BCKDHB: variants seen among roughly 807,000 people sequenced by gnomAD.
BCKDHB encodes 2-oxoisovalerate dehydrogenase subunit beta, mitochondrial.
Under a neutral mutation model 48.5 loss-of-function variants are expected in BCKDHB, and 41 were observed. The ratio of observed to expected loss-of-function variants is 0.85; its 90% CI spans 0.66 to 1.10. The LOEUF is 1.10. BCKDHB is among the 50% of genes least tolerant of loss of function. The probability of loss-of-function intolerance (pLI) is 0.00; values close to 1 mark genes in which losing one functional copy is unlikely to be tolerated. For synonymous variants in BCKDHB, 201 were observed against 174.8 expected, an observed-to-expected ratio of 1.15 and a Z score of -1.18; for missense variants, 496 against 494.2, an observed-to-expected ratio of 1.00 and a Z score of -0.03.
intron 6 of BCKDHB, among the ~76,000 whole-genome samples, chr6:80,180,473 C>T (rs1562114426): frequency 6.6e-6 from 1 of 152,082 alleles, no homozygotes; most frequent in Non-Finnish European, 1.5e-5. Context: ...TCTTTAATGT[C>T]TTTTGGTTTT....
chr6:80,374,264 A>G, the BCKDHB span: 4 of 799,990 alleles, frequency 5.0e-6, no homozygotes, highest in Non-Finnish European at 8.9e-6. Context: ...CCTTAAGTTC[A>G]CCATTACTGT....
intron 9 of BCKDHB, among the ~76,000 whole-genome samples, chr6:80,328,345 G>A (rs1014914483): frequency 3.3e-5 from 5 of 152,114 alleles, no homozygotes; most frequent in Admixed American, 3.3e-4. Context: ...TGATTGAGTG[G>A]AAAAGGGAGA....
intron 6 of BCKDHB, among the ~76,000 whole-genome samples, chr6:80,183,514 C>T (rs906139257): frequency 2.6e-5 from 4 of 152,094 alleles, no homozygotes; most frequent in Admixed American, 2.6e-4. Flanking sequence ...TACCCACTGA[C>T]CTCAAACAAG....
chr6:80,298,496 G>A (rs1767380299), intron 9 of BCKDHB, among the ~76,000 whole-genome samples: 1 of 152,198 alleles, frequency 6.6e-6, no homozygotes, highest in Non-Finnish European at 1.5e-5. Context: ...ACCTCCAAGT[G>A]CTCAGAGAAT....
At chr6:80,145,000 GTTCT>G (rs1198042668) in intron 3 of BCKDHB, among the ~76,000 whole-genome samples, 2 of 152,108 alleles carry the variant, frequency 1.3e-5, no homozygotes, top group African/African-American at 4.8e-5. Context: ...AATAGGCAGC[GTTCT>G]TTCTGAGAGT....
At chr6:80,240,188 T>C (rs1200324900) in intron 8 of BCKDHB, among the ~76,000 whole-genome samples, 1 of 152,084 alleles carries the variant, frequency 6.6e-6, no homozygotes. Context: ...ATGAAGAAAG[T>C]CATTGTCAGC....
At chr6:80,119,529 C>T (rs180897383) in intron 1 of BCKDHB, among the ~76,000 whole-genome samples, 2 of 152,214 alleles carry the variant, frequency 1.3e-5, no homozygotes, top group East Asian at 3.9e-4. Context: ...CCATGTTAGC[C>T]AGGCTGGTCT....
intron 9 of BCKDHB, among the ~76,000 whole-genome samples, chr6:80,303,916 C>A (rs1197277231): frequency 6.6e-6 from 1 of 151,852 alleles, no homozygotes; most frequent in African/African-American, 2.4e-5. Flanking sequence ...ATTTGATCAC[C>A]ATATTCCTTT....
intron 8 of BCKDHB, among the ~76,000 whole-genome samples, chr6:80,215,806 C>T (rs1417500931): frequency 1.3e-5 from 2 of 152,142 alleles, no homozygotes; most frequent in Admixed American, 1.3e-4. Context: ...TGCAGTGGCA[C>T]GATCTCCACA....
chr6:80,221,664 GA>G (rs1411414010), intron 8 of BCKDHB, among the ~76,000 whole-genome samples: 1 of 151,754 alleles, frequency 6.6e-6, no homozygotes, highest in Admixed American at 6.6e-5. Flanking sequence ...GATGATGAAT[GA>G]AAAAAATGAT....
Position 80,200,943 on chromosome 6 carries a change from T to C in BCKDHB, c.752T>C (p.Val251Ala), listed in dbSNP as rs398124593. The C allele has an allele frequency of 1.9e-6, 3 of 1,608,420 alleles. No homozygotes were observed. Among genetic ancestry groups the C allele is most frequent in the Admixed American group, 1.7e-5 (1 of 59,916 alleles). ...CCTGTTCTGTATTTAGCGGAAGAAG[T>C]CCCTATAGAACCATACAACATCCCA... is the stretch of plus-strand genomic sequence containing the variant. The part of the protein sequence containing the change: ...KILYRAAAEE[V>A]PIEPYNIPLS... Residue 251 changes from valine (V) to alanine (A), a missense_variant, in exon 7 of 10, where the codon GTC becomes GCC. Transcript: ENST00000320393.
chr6:80,149,662 G>A (rs557795064), intron 3 of BCKDHB, among the ~76,000 whole-genome samples: 2 of 151,098 alleles, frequency 1.3e-5, no homozygotes, highest in African/African-American at 4.9e-5. Flanking sequence ...AAAATGATGA[G>A]TTCATGTCCT....
intron 9 of BCKDHB, among the ~76,000 whole-genome samples, chr6:80,342,176 G>A (rs1769938852): frequency 6.6e-6 from 1 of 151,942 alleles, no homozygotes; most frequent in South Asian, 2.1e-4. Context: ...TCACACAGGG[G>A]GTAGGGATAA....
In BCKDHB at chr6:80,163,830, A is replaced by G. The variant is rs1006974112; in HGVS notation, c.344-3848A>G. Among the ~76,000 whole-genome samples, 33 of 152,196 alleles carry G rather than the reference A, an allele frequency of 2.2e-4. 2 individuals are homozygous for G. The highest frequency in any genetic ancestry group is 1.5e-5 in the Non-Finnish European group (1 of 68,032). ...CTCTGTCCTTCAGGTTACCCAGGCCAAAAGACTTTGAATCATCCTTAGTAT... is the reference window on the plus strand; with the variant it reads ...CTCTGTCCTTCAGGTTACCCAGGCCGAAAGACTTTGAATCATCCTTAGTAT... On this transcript the variant is annotated intron_variant, in intron 3 of 9. Coordinates refer to ENST00000320393, the MANE Select transcript of BCKDHB (RefSeq NM_183050.4).
chr6:80,400,206 G>A, the BCKDHB span, among the ~76,000 whole-genome samples: 974 of 152,158 alleles, frequency 6.4e-3, 39 homozygotes, highest in East Asian at 0.11. Context: ...AAAAGCAATT[G>A]CGACAAAACC....
Position 80,140,289 on chromosome 6 carries a change from T to C in BCKDHB, c.343+11060T>C, listed in dbSNP as rs559682909. 1.7e-3 allele frequency among the ~76,000 whole-genome samples: 264 copies of C among 152,200 alleles called. 1 individual carries two copies. Among genetic ancestry groups the C allele is most frequent in the African/African-American group, 5.9e-3 (247 of 41,554 alleles). Reference sequence around the variant, plus strand: ...CTTCCTCTTTTCCTAATTGAATACCTTTTATTTCCTTCTCCTGCCTAATTG... The same window carrying C: ...CTTCCTCTTTTCCTAATTGAATACCCTTTATTTCCTTCTCCTGCCTAATTG... On this transcript the variant is annotated intron_variant, in intron 3 of 9. Transcript: ENST00000320393.
intron 8 of BCKDHB, among the ~76,000 whole-genome samples, chr6:80,206,048 C>G (rs1774642110): frequency 1.3e-5 from 2 of 151,888 alleles, no homozygotes; most frequent in Non-Finnish European, 2.9e-5. Flanking sequence ...CATACTTGAC[C>G]TTTTATTTGC....
the BCKDHB span, among the ~76,000 whole-genome samples, chr6:80,358,000 T>A: frequency 0.4 from 61,544 of 152,078 alleles, 15,114 homozygotes; most frequent in Admixed American, 0.57. Flanking sequence ...GTCCTTACTC[T>A]AACCCTTGAC....
intron 9 of BCKDHB, chr6:80,307,741 A>G (rs1767950529): frequency 1.0e-6 from 1 of 981,658 alleles, no homozygotes; most frequent in African/African-American, 1.7e-5. Context: ...CCATATTGTC[A>G]GATTTATTTT....
Sources: gnomAD v4.1 joint callset for allele counts (sites outside exome capture counted in the v4.1 genomes callset) on GRCh38, gnomAD v4.1.1 for gene constraint, MANE v1.5 for transcripts, NCBI Gene and HGNC (gene_info 2026-07-23, HGNC 2026-07-21) for gene names.